The following NCOR1 variants were observed in gnomAD, a reference collection of about 807,000 sequenced individuals.
NCOR1 encodes the protein nuclear receptor corepressor 1, also known as protein phosphatase 1, regulatory subunit 109.
In NCOR1, 63 loss-of-function variants were observed where a neutral mutation model predicts 288.1. That is an observed-to-expected ratio of 0.22 (90% CI 0.18 to 0.27). NCOR1 has a LOEUF of 0.27. NCOR1 is among the 10% of genes least tolerant of loss of function. NCOR1 has a pLI of 1.00. For missense variants in NCOR1, 2,397 were observed against 3,019.2 expected, an observed-to-expected ratio of 0.79 and a Z score of 4.83; for synonymous variants, 1,007 against 1,065.9, an observed-to-expected ratio of 0.94 and a Z score of 1.08.
At chr17:16,103,958 C>T (rs1274553405) in intron 19 of NCOR1, among the ~76,000 whole-genome samples, 3 of 152,160 alleles carry the variant, frequency 2.0e-5, no homozygotes, top group African/African-American at 4.8e-5. Context: ...TGTGGTGAGC[C>T]GAGATCATGC....
chr17:16,113,188 T>G (rs2070706739), intron 18 of NCOR1, among the ~76,000 whole-genome samples: 1 of 151,924 alleles, frequency 6.6e-6, no homozygotes, highest in Non-Finnish European at 1.5e-5. Flanking sequence ...GTGCTGGGAT[T>G]ACAGGCATAA....
At chr17:16,212,794 G>C (rs994800098) in intron 1 of NCOR1, among the ~76,000 whole-genome samples, 1 of 151,900 alleles carries the variant, frequency 6.6e-6, no homozygotes, top group African/African-American at 2.4e-5. Flanking sequence ...TTTTAAGGCC[G>C]GGTGCAGTGG....
At chr17:16,097,330 C>T (rs1049235073) in intron 21 of NCOR1, among the ~76,000 whole-genome samples, 1 of 152,198 alleles carries the variant, frequency 6.6e-6, no homozygotes, top group African/African-American at 2.4e-5. Context: ...CCTCAGCCTC[C>T]CAAATAGCTG....
At position 16,067,942 on chromosome 17, in the gene NCOR1, G is replaced by A. The variant is rs1481868504; in HGVS notation, c.4693C>T (p.Pro1565Ser). The A allele has an allele frequency of 3.1e-6, 5 of 1,614,066 alleles. No homozygotes were observed. In the African/African-American group the frequency reaches 6.7e-5, roughly 22 times the overall value. ...TAGEVYRSHLPTHLDPAMPFH... is the reference protein window; with the variant it reads ...TAGEVYRSHLSTHLDPAMPFH... ...GGCATGGCTGGATCCAAGTGCGTGG[G>A]CAGGTGGCTCCGATAAACCTCGCCT... Residue 1565 changes from proline to serine, a missense_variant, in exon 32 of 46, where the codon CCC becomes TCC. By Grantham distance (74) the Pro-to-Ser change is moderately conservative. Coordinates refer to ENST00000268712, the MANE Select transcript of NCOR1 (RefSeq NM_006311.4).
chr17:16,095,607 C>T lies in NCOR1; in HGVS notation c.2820+2760G>A, dbSNP rs1305339131. Reference sequence around the variant, plus strand: ...TGAGGGTCGCCTCTGCCCGGCCGCCCCTACTGGGAAGTGAGGAGCCCCTCT... The same window carrying T: ...TGAGGGTCGCCTCTGCCCGGCCGCCTCTACTGGGAAGTGAGGAGCCCCTCT... On this transcript the variant is annotated intron_variant, in intron 21 of 45. Transcript: ENST00000268712. Among the ~76,000 whole-genome samples the T allele has an allele frequency of 1.6e-4, 4 of 25,410 alleles. No individual in the cohort carries two copies. In the East Asian group the frequency reaches 4.6e-3, roughly 29 times the overall value. 16.7% of individuals were successfully genotyped at this position (25,410 alleles called of 152,430 possible).
At chr17:16,135,571 A>ACT (rs1393349162) in intron 14 of NCOR1, among the ~76,000 whole-genome samples, 2 of 152,012 alleles carry the variant, frequency 1.3e-5, no homozygotes, top group Non-Finnish European at 2.9e-5. Flanking sequence ...ATCTTCTTCA[A>ACT]CTCTGTGTAA....
chr17:16,180,930 G>A (rs1216025564), intron 3 of NCOR1, among the ~76,000 whole-genome samples: 1 of 152,152 alleles, frequency 6.6e-6, no homozygotes, highest in Non-Finnish European at 1.5e-5. Context: ...AGGCTGAGGT[G>A]GGCGGATTAC....
Position 16,127,149 on chromosome 17 carries a change from AT to A in NCOR1, c.1510-944del, listed in dbSNP as rs1159042985. ...TGTATGTATATATACATGTATGTAT[AT>A]ATCTGTATGTATATATACATGTATG... On this transcript the variant is annotated intron_variant, in intron 14 of 45. Transcript: ENST00000268712. Among the ~76,000 whole-genome samples the A allele has an allele frequency of 2.0e-4, 26 of 132,570 alleles. 1 individual carries two copies. Among genetic ancestry groups the A allele is most frequent in the African/African-American group, 7.5e-4 (22 of 29,454 alleles). The allele number at this position is 132,570 out of a possible 152,430, so 87.0% of individuals were successfully genotyped here.
Position 16,075,650 on chromosome 17 carries a change from C to T in NCOR1, c.3554G>A (p.Gly1185Glu), listed in dbSNP as rs754618645. Residue 1185 changes from glycine to glutamate, a missense_variant, in exon 27 of 46, where the codon GGG becomes GAG. Gly to Glu is a moderately conservative substitution (Grantham distance 98, BLOSUM62 -2). Around this residue, in one of 11 missense-constraint regions of NCOR1, gnomAD observed 1,872 missense variants for 2,187.8 expected, o/e 0.86. Transcript: ENST00000268712. ...TTCAATGGGCATTCTCGAAATGGACCCCTTCACCAAAGCCTCTGTTGGTAT... is the reference window on the plus strand; with the variant it reads ...TTCAATGGGCATTCTCGAAATGGACTCCTTCACCAAAGCCTCTGTTGGTAT... The part of the protein sequence containing the change: ...TGIPTEALVK[G>E]SISRMPIEDS... The T allele has an allele frequency of 6.2e-7, 1 of 1,614,134 alleles. No individual in the cohort carries two copies. The highest frequency in any genetic ancestry group is 2.2e-5 in the East Asian group (1 of 44,878).
Position 16,061,584 on chromosome 17 carries a change from A to G in NCOR1, c.5698T>C (p.Tyr1900His). 1 of 1,614,194 alleles carries G rather than the reference A, an allele frequency of 6.2e-7. No individual in the cohort carries two copies. Among genetic ancestry groups the G allele is most frequent in the East Asian group, 2.2e-5 (1 of 44,892 alleles). Reference protein sequence around the residue: ...GKPQPHSSVVYSEAGKDKGPP... With the variant: ...GKPQPHSSVVHSEAGKDKGPP... ...CCTTTATCTTTCCCAGCCTCAGAAT[A>G]AACTACTGAAGAATGAGGCTGGGGC... is the stretch of plus-strand genomic sequence containing the variant. Residue 1900 changes from tyrosine (Y) to histidine (H), a missense_variant, in exon 37 of 46, where the codon TAT becomes CAT. Physicochemically the swap from Tyr to His is moderately conservative, Grantham distance 83 (BLOSUM62 2). This residue lies in a region of NCOR1 where 1,872 missense variants were observed against 2,187.8 expected (regional missense o/e 0.86). Transcript: ENST00000268712.
chr17:16,070,070 A>C, intron 31 of NCOR1, 95 bp downstream of exon 31: 2 of 1,454,560 alleles, frequency 1.4e-6, no homozygotes, highest in African/African-American at 2.8e-5. Context: ...GATACTCTAA[A>C]GCTGACAATT....
rs2151748176 is a variant in NCOR1, at chr17:16,032,070, A to G, written c.*226T>C. 2.0e-6 allele frequency: 1 copy of G among 497,348 alleles called. No individual in the cohort carries two copies. The highest frequency in any genetic ancestry group is 3.6e-5 in the East Asian group (1 of 27,558). The allele number at this position is 497,348 out of a possible 1,614,324, so 30.8% of individuals were successfully genotyped here. A position where few individuals can be genotyped will look rare whatever the true frequency, so the allele number is the denominator to read the frequency against. ...TACATCTCAACCCTCCACTATTATT[A>G]TAGTCCACTGAATTGCCTGTATCAA... On this transcript the variant is annotated 3_prime_UTR_variant, in exon 46 of 46. Coordinates refer to ENST00000268712, the MANE Select transcript of NCOR1 (RefSeq NM_006311.4).
At chr17:16,146,784 A>T (rs1185386994) in intron 9 of NCOR1, among the ~76,000 whole-genome samples, 3 of 152,168 alleles carry the variant, frequency 2.0e-5, no homozygotes, top group Non-Finnish European at 4.4e-5. Context: ...AAGACTATGC[A>T]TATTTATAAA....
At chr17:16,185,181 G>T (rs2086377026) in intron 3 of NCOR1, among the ~76,000 whole-genome samples, 2 of 152,112 alleles carry the variant, frequency 1.3e-5, no homozygotes, top group African/African-American at 4.8e-5. Flanking sequence ...GAGGACTACA[G>T]ATAATAATAT....
chr17:16,106,437 CA>C (rs35550102), intron 19 of NCOR1, among the ~76,000 whole-genome samples: 1 of 148,934 alleles, frequency 6.7e-6, no homozygotes, highest in Non-Finnish European at 1.5e-5. Flanking sequence ...CCTAAAAATA[CA>C]AAAAAAAACC....
At position 16,064,056 on chromosome 17, in the gene NCOR1, C is replaced by T. The variant is rs1399471284; in HGVS notation, c.5221+12G>A. The stretch of plus-strand genomic sequence containing the variant: ...GTGTCCAGAGAATGGAAGAGCAGTG[C>T]CTTTCACTGACCTGGCCGCAGGTAG... On this transcript the variant is annotated intron_variant, in intron 35 of 45. Coordinates refer to ENST00000268712, the MANE Select transcript of NCOR1 (RefSeq NM_006311.4). 3.1e-6 allele frequency: 5 copies of T among 1,613,472 alleles called. No homozygotes were observed. Among genetic ancestry groups the T allele is most frequent in the African/African-American group, 1.3e-5 (1 of 74,876 alleles).
At chr17:16,077,786 GTT>G (rs897100246) in intron 26 of NCOR1, among the ~76,000 whole-genome samples, 1 of 152,072 alleles carries the variant, frequency 6.6e-6, no homozygotes, top group African/African-American at 2.4e-5. Context: ...ATAAAGATGC[GTT>G]TGAGCCTAGT....
At chr17:16,198,924 T>G (rs2090335575) in intron 1 of NCOR1, among the ~76,000 whole-genome samples, 1 of 151,970 alleles carries the variant, frequency 6.6e-6, no homozygotes, top group Admixed American at 6.6e-5. Context: ...CCCAGGGTCA[T>G]CCAATTTTTT....
At chr17:16,138,609 T>C (rs981299653) in intron 12 of NCOR1, among the ~76,000 whole-genome samples, 3 of 152,146 alleles carry the variant, frequency 2.0e-5, no homozygotes, top group Admixed American at 1.3e-4. Flanking sequence ...AGAAATACTA[T>C]GTATAGGGCT....
Sources: allele counts gnomAD v4.1 joint callset (sites outside exome capture counted in the v4.1 genomes callset), GRCh38; gene constraint gnomAD v4.1.1; regional missense constraint gnomAD v4.1.1; transcripts MANE v1.5; gene names NCBI Gene and HGNC (gene_info 2026-07-23, HGNC 2026-07-21).